Variants in HS3ST5 observed in about 807,000 individuals in gnomAD.
HS3ST5 encodes the protein heparan sulfate-glucosamine 3-sulfotransferase 5.
In HS3ST5, 10 loss-of-function variants were observed where a neutral mutation model predicts 25.4. The ratio of observed to expected loss-of-function variants is 0.39; its 90% CI spans 0.24 to 0.67. HS3ST5 has a LOEUF of 0.67. HS3ST5 is among the 30% of genes least tolerant of loss of function. The pLI is 0.44. For synonymous variants in HS3ST5, 170 were observed against 162.4 expected, an observed-to-expected ratio of 1.05 and a Z score of -0.36; for missense variants, 324 against 420.7, an observed-to-expected ratio of 0.77 and a Z score of 2.01.
intron 3 of HS3ST5, among the ~76,000 whole-genome samples, chr6:114,070,929 T>G (rs1773784163): frequency 6.6e-6 from 1 of 152,204 alleles, no homozygotes; most frequent in African/African-American, 2.4e-5. Flanking sequence ...GTTTTGTTCC[T>G]TCCTCAATTT....
intron 2 of HS3ST5, among the ~76,000 whole-genome samples, chr6:114,202,263 A>T (rs1355363354): frequency 3.9e-5 from 6 of 152,106 alleles, no homozygotes; most frequent in African/African-American, 1.2e-4. Context: ...TCTATAAAAA[A>T]TTTTTAAAAA....
chr6:114,105,665 G>A (rs1775955435), intron 3 of HS3ST5, among the ~76,000 whole-genome samples: 1 of 152,112 alleles, frequency 6.6e-6, no homozygotes, highest in Non-Finnish European at 1.5e-5. Flanking sequence ...GGTCACTAAT[G>A]AGTAGATTTT....
At chr6:114,258,418 G>A (rs548815570) in intron 1 of HS3ST5, among the ~76,000 whole-genome samples, 1 of 152,328 alleles carries the variant, frequency 6.6e-6, no homozygotes, top group East Asian at 1.9e-4. Context: ...CAGCAGCAGT[G>A]TGATGACAAA....
chr6:114,114,294 C>G (rs1450120049), intron 3 of HS3ST5, among the ~76,000 whole-genome samples: 1 of 152,128 alleles, frequency 6.6e-6, no homozygotes, highest in Admixed American at 6.6e-5. Flanking sequence ...CCATGCCTAG[C>G]AATGCACTCA....
intron 1 of HS3ST5, among the ~76,000 whole-genome samples, chr6:114,250,248 T>C (rs1404599479): frequency 6.6e-6 from 1 of 152,174 alleles, no homozygotes; most frequent in Non-Finnish European, 1.5e-5. Context: ...GATTTAAAAA[T>C]TTATATTTTC....
intron 3 of HS3ST5, among the ~76,000 whole-genome samples, chr6:114,103,857 ATTTTT>A (rs71553394): frequency 4.7e-5 from 5 of 107,148 alleles, no homozygotes; most frequent in African/African-American, 1.8e-4. Context: ...CACCTGGCTA[ATTTTT>A]TTTTTTTTTT....
At chr6:114,068,064 T>G (rs1159884421) in intron 3 of HS3ST5, among the ~76,000 whole-genome samples, 1 of 152,214 alleles carries the variant, frequency 6.6e-6, no homozygotes, top group African/African-American at 2.4e-5. Context: ...TTAATTATTT[T>G]ACAGAGAAAA....
intron 1 of HS3ST5, among the ~76,000 whole-genome samples, chr6:114,287,052 G>A (rs981211149): frequency 2.6e-5 from 4 of 151,706 alleles, no homozygotes; most frequent in African/African-American, 7.3e-5. Context: ...TAGTGTACTC[G>A]CCTTTTTTCT....
intron 1 of HS3ST5, among the ~76,000 whole-genome samples, chr6:114,306,266 C>T (rs951328917): frequency 1.0e-3 from 149 of 142,142 alleles, no homozygotes; most frequent in African/African-American, 3.9e-3. Flanking sequence ...TACACACACA[C>T]ACACACACAC....
chr6:114,114,172 A>G (rs977242272), intron 3 of HS3ST5, among the ~76,000 whole-genome samples: 2 of 152,146 alleles, frequency 1.3e-5, no homozygotes, highest in African/African-American at 4.8e-5. Flanking sequence ...ATAGTTCTTT[A>G]AACCACTATA....
intron 2 of HS3ST5, among the ~76,000 whole-genome samples, chr6:114,199,229 A>C (rs926526689): frequency 2.0e-5 from 3 of 152,202 alleles, no homozygotes; most frequent in Admixed American, 2.0e-4. Context: ...GGAAAACAAT[A>C]AGAAACTACA....
chr6:114,237,287 G>A, intron 1 of HS3ST5, among the ~76,000 whole-genome samples: 1 of 150,138 alleles, frequency 6.7e-6, no homozygotes, highest in African/African-American at 2.5e-5. Context: ...TTAATACCAA[G>A]GGAAAGTTCA....
chr6:114,096,334 A>G lies in HS3ST5; in HGVS notation c.-32-33457T>C, dbSNP rs185417124. Among the ~76,000 whole-genome samples the G allele has an allele frequency of 6.1e-4, 93 of 152,306 alleles. 1 individual carries two copies. Among genetic ancestry groups the G allele is most frequent in the African/African-American group, 2.2e-3 (91 of 41,570 alleles). ...ATTTTGTATATCTTTTCATCCGGCT[A>G]CATGAAAGTATAATGAAGACATGCC... On this transcript the variant is annotated intron_variant, in intron 3 of 4. Coordinates refer to ENST00000312719, the MANE Select transcript of HS3ST5 (RefSeq NM_153612.4).
In HS3ST5 at chr6:114,057,325, G is replaced by A. The variant is rs374141405; in HGVS notation, c.973C>T (p.Arg325Cys). 33 of 1,613,954 alleles carry A rather than the reference G, an allele frequency of 2.0e-5. No individual in the cohort carries two copies. The highest frequency in any genetic ancestry group is 5.3e-5 in the African/African-American group (4 of 74,986). The change falls in exon 5 of 5, where the codon CGC becomes TGC. Residue 325 changes from arginine to cysteine, a missense_variant. Arg to Cys is a radical substitution (Grantham distance 180, BLOSUM62 -3). This residue lies in a region of HS3ST5 where 203 missense variants were observed against 303.4 expected (regional missense o/e 0.67). Transcript: ENST00000312719. ...EVDPSVITKL[R>C]KFFHPFNQKF... ...TGATTAAAAGGATGAAAGAATTTGC[G>A]CAATTTAGTAATGACAGAGGGGTCC...
At chr6:114,209,385 C>G (rs1269457408) in intron 2 of HS3ST5, among the ~76,000 whole-genome samples, 5 of 150,636 alleles carry the variant, frequency 3.3e-5, no homozygotes, top group Non-Finnish European at 5.9e-5. Flanking sequence ...TAACAATGTT[C>G]CTGTGCATAA....
chr6:114,064,407 A>G lies in HS3ST5; in HGVS notation c.-32-1530T>C, dbSNP rs964181891. 2.0e-5 allele frequency among the ~76,000 whole-genome samples: 3 copies of G among 152,352 alleles called. No individual in the cohort carries two copies. In the South Asian group the frequency reaches 6.2e-4, roughly 32 times the overall value. On this transcript the variant is annotated intron_variant, in intron 3 of 4. Coordinates refer to ENST00000312719, the MANE Select transcript of HS3ST5 (RefSeq NM_153612.4). ...TGAAATAACCAGAGAACATTACCCAATTATGATAATGTATGAATAAGTGTT... is the reference window on the plus strand; with the variant it reads ...TGAAATAACCAGAGAACATTACCCAGTTATGATAATGTATGAATAAGTGTT...
intron 3 of HS3ST5, among the ~76,000 whole-genome samples, chr6:114,070,251 T>C (rs1323380966): frequency 6.8e-6 from 1 of 146,712 alleles, no homozygotes; most frequent in Non-Finnish European, 1.5e-5. Flanking sequence ...TACCTGCCAC[T>C]GAACCTTGAG....
At chr6:114,173,740 T>C (rs1779583927) in intron 2 of HS3ST5, among the ~76,000 whole-genome samples, 1 of 152,046 alleles carries the variant, frequency 6.6e-6, no homozygotes, top group South Asian at 2.1e-4. Flanking sequence ...GTACCTGTAG[T>C]CCCAGCTCTT....
chr6:114,178,446 T>A (rs1779820207), intron 2 of HS3ST5, among the ~76,000 whole-genome samples: 2 of 152,218 alleles, frequency 1.3e-5, no homozygotes. Flanking sequence ...TACTTTAACT[T>A]GCCTTCTTAA....
Sources: allele counts gnomAD v4.1 joint callset (sites outside exome capture counted in the v4.1 genomes callset), GRCh38; gene constraint gnomAD v4.1.1; regional missense constraint gnomAD v4.1.1; transcripts MANE v1.5; gene names NCBI Gene and HGNC (gene_info 2026-07-23, HGNC 2026-07-21).